Variants in EPB41L4A observed in about 807,000 individuals in gnomAD.
The protein encoded by EPB41L4A is erythrocyte membrane protein band 4.1 like 4A.
Under a neutral mutation model 108.6 loss-of-function variants are expected in EPB41L4A, and 100 were observed. The observed-to-expected ratio is 0.92, with a 90% CI of 0.78 to 1.09. The LOEUF is 1.09. Ranked by LOEUF, EPB41L4A falls within the 50% of genes least tolerant of loss-of-function variation. The pLI is 0.00. For synonymous variants in EPB41L4A, 319 were observed against 289.0 expected (o/e 1.10, Z -1.05); for missense variants, 1,030 against 842.7 (o/e 1.22, Z -2.75).
rs769500249 is a variant in EPB41L4A at position 112,239,611 on chromosome 5, A to G, written c.965+49T>C. ...ACTGAGCATGTATGACAGCTGAATT[A>G]AGTATTTATTTACAAACACATCCCC... On this transcript the variant is annotated intron_variant, in intron 11 of 22. Transcript: ENST00000261486. The G allele has an allele frequency of 2.5e-6, 3 of 1,189,380 alleles. No homozygotes were observed. The South Asian group carries it at 4.5e-5, about 18-fold the overall frequency. The allele number at this position is 1,189,380 out of a possible 1,614,324, so 73.7% of individuals were successfully genotyped here. A position where few individuals can be genotyped will look rare whatever the true frequency, so the allele number is the denominator to read the frequency against.
At position 112,204,501 on chromosome 5, in the gene EPB41L4A, A is replaced by T; in HGVS notation, c.1263-13T>A. Reference sequence around the variant, plus strand: ...ATTGTAGAGTCCACTGGAGAGAAAGAAAAATGGTCAAAAAGAGCCCAGAGA... The same window carrying T: ...ATTGTAGAGTCCACTGGAGAGAAAGTAAAATGGTCAAAAAGAGCCCAGAGA... On this transcript the variant is annotated splice_polypyrimidine_tract_variant and intron_variant, in intron 14 of 22. Transcript: ENST00000261486. 4.5e-6 allele frequency: 7 copies of T among 1,551,620 alleles called. No individual in the cohort carries two copies. The highest frequency in any genetic ancestry group is 2.7e-6 in the Non-Finnish European group (3 of 1,123,560).
intron 4 of EPB41L4A, among the ~76,000 whole-genome samples, chr5:112,268,772 G>A (rs2150468950): frequency 7.1e-6 from 1 of 140,664 alleles, no homozygotes; most frequent in East Asian, 2.2e-4. Context: ...GAGCCCAGAA[G>A]GTTGAGGTTG....
chr5:112,301,653 G>C (rs961044985), intron 2 of EPB41L4A, among the ~76,000 whole-genome samples: 2 of 152,134 alleles, frequency 1.3e-5, no homozygotes, highest in Non-Finnish European at 1.5e-5. Flanking sequence ...ATTTCACAAT[G>C]CAAGTCTCTA....
At chr5:112,169,905 A>G (rs1760476452) in intron 20 of EPB41L4A, 1 of 196,880 alleles carries the variant, frequency 5.1e-6, no homozygotes, top group Admixed American at 6.2e-5. Context: ...TGCTTTCACG[A>G]AGCCTGCTCA....
chr5:112,331,452 A>G lies in EPB41L4A; in HGVS notation c.100-23962T>C, dbSNP rs548709849. Reference sequence around the variant, plus strand: ...TGTTTATAACACACAGTGGGCACACAGCCTCAGGGATCCCCCAACTGAGTG... The same window carrying G: ...TGTTTATAACACACAGTGGGCACACGGCCTCAGGGATCCCCCAACTGAGTG... On this transcript the variant is annotated intron_variant, in intron 1 of 22. Coordinates refer to ENST00000261486, the MANE Select transcript of EPB41L4A (RefSeq NM_022140.5). Among the ~76,000 whole-genome samples, 6 of 152,366 alleles carry G rather than the reference A, an allele frequency of 3.9e-5. No homozygotes were observed. In the East Asian group the frequency reaches 9.6e-4, roughly 24 times the overall value.
intron 1 of EPB41L4A, among the ~76,000 whole-genome samples, chr5:112,366,606 G>T (rs936771304): frequency 2.6e-5 from 4 of 152,018 alleles, no homozygotes; most frequent in Non-Finnish European, 5.9e-5. Flanking sequence ...GGAGGACACC[G>T]AGAAATAAGC....
Position 112,163,666 on chromosome 5 carries a change from A to G in EPB41L4A, c.*1324T>C, listed in dbSNP as rs1484678374. On this transcript the variant is annotated 3_prime_UTR_variant, in exon 23 of 23. Coordinates refer to ENST00000261486, the MANE Select transcript of EPB41L4A (RefSeq NM_022140.5). ...AGAGATAGCTTAAGATAGGGATTAG[A>G]TGAATTGAGGGCAATGACTAAAGAT... 1 of 152,218 alleles carries G rather than the reference A, an allele frequency of 6.6e-6. No individual in the cohort carries two copies. The highest frequency in any genetic ancestry group is 1.5e-5 in the Non-Finnish European group (1 of 68,036). The allele number at this position is 152,218 out of a possible 1,614,324, so 9.4% of individuals were successfully genotyped here.
intron 1 of EPB41L4A, among the ~76,000 whole-genome samples, chr5:112,352,534 G>A (rs1758112235): frequency 6.6e-6 from 1 of 152,198 alleles, no homozygotes; most frequent in South Asian, 2.1e-4. Context: ...TAGACTATAT[G>A]TGAAGCCACA....
chr5:112,264,413 TG>T (rs1236211303), intron 6 of EPB41L4A: 1 of 152,838 alleles, frequency 6.5e-6, no homozygotes, highest in African/African-American at 2.4e-5. Context: ...CGTGAAGAAC[TG>T]GGATACTTCA....
intron 1 of EPB41L4A, among the ~76,000 whole-genome samples, chr5:112,346,462 T>C (rs1757685652): frequency 6.6e-6 from 1 of 152,042 alleles, no homozygotes. Context: ...GACTTTGTGA[T>C]CCACCCACCT....
chr5:112,250,513 T>C (rs1750585835), intron 9 of EPB41L4A: 1 of 152,184 alleles, frequency 6.6e-6, no homozygotes, highest in Non-Finnish European at 1.5e-5. Flanking sequence ...TAACTTTTAT[T>C]CCCAATCTCA....
intron 1 of EPB41L4A, among the ~76,000 whole-genome samples, chr5:112,320,848 T>C (rs1755724478): frequency 6.6e-6 from 1 of 152,068 alleles, no homozygotes; most frequent in African/African-American, 2.4e-5. Flanking sequence ...AAGTGGGAAA[T>C]GGGCTCTCCA....
chr5:112,394,118 C>T (rs1270778791), intron 1 of EPB41L4A, among the ~76,000 whole-genome samples: 1 of 152,116 alleles, frequency 6.6e-6, no homozygotes, highest in East Asian at 1.9e-4. Flanking sequence ...TTATGACAAA[C>T]CCACAGCCAA....
chr5:112,253,706 A>AT (rs1486181127), intron 9 of EPB41L4A, among the ~76,000 whole-genome samples: 1 of 152,230 alleles, frequency 6.6e-6, no homozygotes, highest in Non-Finnish European at 1.5e-5. Context: ...CTGTGTGTGT[A>AT]TGGAGAGAAA....
intron 9 of EPB41L4A, among the ~76,000 whole-genome samples, chr5:112,250,045 C>T (rs12653798): frequency 0.31 from 47,081 of 151,982 alleles, 8,312 homozygotes; most frequent in East Asian, 0.57. Context: ...AATTTTGAAA[C>T]GTATGTAATA....
intron 15 of EPB41L4A, among the ~76,000 whole-genome samples, chr5:112,198,238 G>C (rs894464877): frequency 6.6e-6 from 1 of 152,028 alleles, no homozygotes; most frequent in Non-Finnish European, 1.5e-5. Flanking sequence ...TCACCATGTT[G>C]GGTAGGCTAG....
At chr5:112,174,893 T>G (rs1760781999) in intron 18 of EPB41L4A, among the ~76,000 whole-genome samples, 1 of 152,212 alleles carries the variant, frequency 6.6e-6, no homozygotes, top group Admixed American at 6.5e-5. Context: ...CCAGTCATTC[T>G]TTGTCACATT....
chr5:112,339,788 C>T (rs560274021), intron 1 of EPB41L4A, among the ~76,000 whole-genome samples: 90 of 152,054 alleles, frequency 5.9e-4, no homozygotes, highest in African/African-American at 2.1e-3. Flanking sequence ...CACCTGCCTT[C>T]GCCTCCCAAA....
chr5:112,360,647 C>T (rs967885039), intron 1 of EPB41L4A, among the ~76,000 whole-genome samples: 1 of 152,218 alleles, frequency 6.6e-6, no homozygotes, highest in African/African-American at 2.4e-5. Context: ...CAGCCGCCTG[C>T]CTTGGCCTCC....
Sources: gnomAD v4.1 joint callset for allele counts (sites outside exome capture counted in the v4.1 genomes callset) on GRCh38, gnomAD v4.1.1 for gene constraint, MANE v1.5 for transcripts, NCBI Gene and HGNC (gene_info 2026-07-23, HGNC 2026-07-21) for gene names.